The following AP1B1 variants were observed in gnomAD, a reference collection of about 807,000 sequenced individuals.
The protein encoded by AP1B1 is AP-1 complex subunit beta-1.
AP1B1 carries 36 observed loss-of-function variants against 104.3 expected under a neutral mutation model. The observed-to-expected ratio is 0.35, with a 90% CI of 0.26 to 0.46. The LOEUF (loss-of-function observed/expected upper bound fraction) is 0.46, where lower values mean the gene tolerates loss of function less well. Among genes scored for constraint, AP1B1 ranks in the 20% least tolerant of loss-of-function variants. The pLI is 1.00. For synonymous variants in AP1B1, 504 were observed against 517.5 expected (o/e 0.97, Z 0.35); for missense variants, 901 against 1,247.9 (o/e 0.72, Z 4.19).
At chr22:29,351,022 G>A (rs960752663) in intron 9 of AP1B1, 149 bp downstream of exon 9, 100 of 745,864 alleles carry the variant, frequency 1.3e-4, no homozygotes, top group Middle Eastern at 4.0e-4. Flanking sequence ...CACCAGATCT[G>A]CACAATGCTT....
chr22:29,351,401 G>T, intron 8 of AP1B1, 135 bp from the exon 9 acceptor site: 4 of 1,073,884 alleles, frequency 3.7e-6, no homozygotes, highest in Non-Finnish European at 5.7e-6. Flanking sequence ...AAGGCCCAAG[G>T]GAGAGAGCTG....
Position 29,327,683 on chromosome 22 carries a change from A to G in AP1B1, c.*1138T>C, listed in dbSNP as rs1475676514. ...GACACACTGGCTGGGGACACACTTG[A>G]TGTCATCATTTTTATTCATTTTCTC... is the stretch of plus-strand genomic sequence containing the variant. On this transcript the variant is annotated 3_prime_UTR_variant, in exon 23 of 23. Transcript: ENST00000357586. 1 of 152,146 alleles carries G rather than the reference A, an allele frequency of 6.6e-6. No individual in the cohort carries two copies. Among genetic ancestry groups the G allele is most frequent in the East Asian group, 1.9e-4 (1 of 5,190 alleles). The allele number at this position is 152,146 out of a possible 1,614,324, so 9.4% of individuals were successfully genotyped here. A position where few individuals can be genotyped will look rare whatever the true frequency, so the allele number is the denominator to read the frequency against.
chr22:29,359,092 A>G (rs2062005036), intron 4 of AP1B1, 121 bp from the exon 5 acceptor site: 4 of 1,018,984 alleles, frequency 3.9e-6, no homozygotes, highest in Non-Finnish European at 4.2e-6. Flanking sequence ...GCTGCTGTGG[A>G]TCTTCACCAA....
intron 11 of AP1B1, among the ~76,000 whole-genome samples, chr22:29,348,236 G>A (rs534396364): frequency 1.3e-5 from 2 of 152,338 alleles, no homozygotes; most frequent in East Asian, 1.9e-4. Context: ...AACCGTGAAA[G>A]CTTTCAGTTG....
intron 1 of AP1B1, among the ~76,000 whole-genome samples, chr22:29,381,515 C>T (rs11704551): frequency 0.22 from 32,875 of 152,158 alleles, 3,794 homozygotes; most frequent in Non-Finnish European, 0.25. Context: ...GCTAGAGCAG[C>T]TTCTCCATGT....
In AP1B1 at chr22:29,327,856, T is replaced by C. The variant is rs1035787914; in HGVS notation, c.*965A>G. 3.3e-5 allele frequency: 5 copies of C among 152,236 alleles called. No individual in the cohort carries two copies. The highest frequency in any genetic ancestry group is 3.9e-4 in the East Asian group (2 of 5,194). The allele number at this position is 152,236 out of a possible 1,614,324, so 9.4% of individuals were successfully genotyped here. A position where few individuals can be genotyped will look rare whatever the true frequency, so the allele number is the denominator to read the frequency against. On this transcript the variant is annotated 3_prime_UTR_variant, in exon 23 of 23. Transcript: ENST00000357586. ...GTGGAGGGGAAAAAAGTGTCCGTGA[T>C]TGCCAAAAGCCGAATCTTTCTTTAT...
chr22:29,350,716 T>C (rs574626398), intron 9 of AP1B1, among the ~76,000 whole-genome samples: 187 of 152,020 alleles, frequency 1.2e-3, no homozygotes, highest in African/African-American at 4.2e-3. Flanking sequence ...TCGAGGAACA[T>C]CTCCACAGAC....
At chr22:29,349,599 C>T (rs2061843196) in intron 10 of AP1B1, among the ~76,000 whole-genome samples, 1 of 152,032 alleles carries the variant, frequency 6.6e-6, no homozygotes, top group Admixed American at 6.5e-5. Flanking sequence ...CTGCAACCTC[C>T]ACCTCCCTGG....
chr22:29,375,815 A>G (rs2148042482), intron 1 of AP1B1, among the ~76,000 whole-genome samples: 1 of 152,326 alleles, frequency 6.6e-6, no homozygotes, highest in Non-Finnish European at 1.5e-5. Context: ...CATTTCAAAC[A>G]GATAAAAGTG....
intron 1 of AP1B1, among the ~76,000 whole-genome samples, chr22:29,385,177 G>A (rs1229478331): frequency 6.6e-6 from 1 of 152,176 alleles, no homozygotes; most frequent in Non-Finnish European, 1.5e-5. Flanking sequence ...TTGAGGCCAG[G>A]GGTTTGAGAC....
At chr22:29,343,840 A>T (rs1203672448) in intron 11 of AP1B1, among the ~76,000 whole-genome samples, 2 of 152,150 alleles carry the variant, frequency 1.3e-5, no homozygotes, top group East Asian at 3.9e-4. Flanking sequence ...GCCAGGCGTG[A>T]TGGCTCACAC....
intron 1 of AP1B1, among the ~76,000 whole-genome samples, chr22:29,372,113 T>C (rs1193784454): frequency 1.3e-5 from 2 of 152,146 alleles, no homozygotes; most frequent in Non-Finnish European, 2.9e-5. Context: ...GTTAACTTCA[T>C]TTTTTAGAAT....
intron 1 of AP1B1, among the ~76,000 whole-genome samples, chr22:29,380,969 A>C (rs1013968895): frequency 2.0e-5 from 3 of 152,116 alleles, no homozygotes; most frequent in African/African-American, 7.2e-5. Flanking sequence ...TCACGCATGC[A>C]CCCTGCTGGC....
intron 16 of AP1B1, 108 bp from the exon 17 acceptor site, chr22:29,334,518 C>G: frequency 8.1e-7 from 1 of 1,232,582 alleles, no homozygotes; most frequent in South Asian, 1.5e-5. Flanking sequence ...CAGGGGCCTC[C>G]CAGATCCAGC....
intron 1 of AP1B1, among the ~76,000 whole-genome samples, chr22:29,388,120 A>G (rs1488240582): frequency 6.6e-6 from 1 of 152,186 alleles, no homozygotes; most frequent in Non-Finnish European, 1.5e-5. Context: ...AGGAAATCAG[A>G]GCCCGAAGAG....
At chr22:29,345,286 G>A (rs2061775050) in intron 11 of AP1B1, among the ~76,000 whole-genome samples, 1 of 150,268 alleles carries the variant, frequency 6.7e-6, no homozygotes, top group Admixed American at 6.7e-5. Flanking sequence ...TCGAACTCCT[G>A]GACTCAAAAG....
intron 19 of AP1B1, 111 bp downstream of exon 19, chr22:29,331,338 C>A: frequency 9.2e-7 from 1 of 1,082,310 alleles, no homozygotes; most frequent in South Asian, 1.3e-5. Flanking sequence ...CTCCCCGACT[C>A]CATTTACGGG....
Position 29,328,626 on chromosome 22 carries a change from T to G in AP1B1, c.*195A>C. On this transcript the variant is annotated 3_prime_UTR_variant, in exon 23 of 23. Coordinates refer to ENST00000357586, the MANE Select transcript of AP1B1 (RefSeq NM_001127.4). The surrounding 1 kb of genome is among the most constrained non-coding windows in gnomAD (Gnocchi z 4.1). ...GCAGGGGTGTCCCAGAGCACGGGAG[T>G]GCACTGCGCTCTCACCCCAGGAGGG... 1.6e-6 allele frequency: 1 copy of G among 620,984 alleles called. No homozygotes were observed. Among genetic ancestry groups the G allele is most frequent in the East Asian group, 2.9e-5 (1 of 34,736 alleles). 38.5% of individuals were successfully genotyped at this position (620,984 alleles called of 1,614,324 possible). A position where few individuals can be genotyped will look rare whatever the true frequency, so the allele number is the denominator to read the frequency against.
intron 1 of AP1B1, among the ~76,000 whole-genome samples, chr22:29,387,672 A>G (rs1439057470): frequency 6.6e-6 from 1 of 152,178 alleles, no homozygotes; most frequent in Admixed American, 6.5e-5. Context: ...TGTACTTTGC[A>G]GGTCTCTGAC....
Sources: gnomAD v4.1 joint callset for allele counts (sites outside exome capture counted in the v4.1 genomes callset) on GRCh38, gnomAD v4.1.1 for gene constraint, Gnocchi (gnomAD v3.1) non-coding constraint, MANE v1.5 for transcripts, NCBI Gene and HGNC (gene_info 2026-07-23, HGNC 2026-07-21) for gene names.